Variants in RASGRF1 observed in about 807,000 individuals in gnomAD.
RASGRF1 encodes the protein ras-specific guanine nucleotide-releasing factor 1.
In RASGRF1, 40 loss-of-function variants were observed where a neutral mutation model predicts 138.7. That is an observed-to-expected ratio of 0.29 (90% CI 0.22 to 0.38). RASGRF1 has a LOEUF of 0.38. Ranked by LOEUF, RASGRF1 falls within the 10% of genes least tolerant of loss-of-function variation. The probability of loss-of-function intolerance (pLI) is 1.00; values close to 1 mark genes in which losing one functional copy is unlikely to be tolerated. For missense variants in RASGRF1, 1,108 were observed against 1,650.4 expected (o/e 0.67, Z 5.69); for synonymous variants, 614 against 663.2 (o/e 0.93, Z 1.14).
intron 26 of RASGRF1, among the ~76,000 whole-genome samples, chr15:78,969,080 T>C (rs1347311590): frequency 6.6e-6 from 1 of 152,214 alleles, no homozygotes; most frequent in Non-Finnish European, 1.5e-5. Context: ...GAAACAGTCT[T>C]GGCCTCTATT....
chr15:79,027,959 G>T lies in RASGRF1; in HGVS notation c.1263-100C>A, dbSNP rs2057084067. On this transcript the variant is annotated intron_variant, in intron 8 of 26. Transcript: ENST00000558480. The surrounding 1 kb of genome is among the most constrained non-coding windows in gnomAD (Gnocchi z 4.8). ...TGGCCAGACCTAGGAAGAAAGCCTG[G>T]CACAAGGATTCTCAGGTGGAGTCTG... 1 of 1,202,156 alleles carries T rather than the reference G, an allele frequency of 8.3e-7. No homozygotes were observed. 74.5% of individuals were successfully genotyped at this position (1,202,156 alleles called of 1,614,324 possible).
intron 3 of RASGRF1, 108 bp from the exon 4 acceptor site, chr15:79,049,696 T>G (rs2057404502): frequency 4.8e-6 from 4 of 840,362 alleles, no homozygotes; most frequent in Non-Finnish European, 5.5e-6. Context: ...GCCCTGCCTC[T>G]TCTTCCCCAA....
At chr15:78,985,313 T>G (rs939749278) in intron 22 of RASGRF1, 109 bp from the exon 23 acceptor site, 3 of 1,185,490 alleles carry the variant, frequency 2.5e-6, no homozygotes, top group Non-Finnish European at 3.5e-6. Context: ...CAAGAAGGAA[T>G]TGGAAAACTA....
chr15:79,009,873 C>G (rs1400055105), intron 13 of RASGRF1, among the ~76,000 whole-genome samples: 2 of 151,616 alleles, frequency 1.3e-5, no homozygotes, highest in Non-Finnish European at 2.9e-5. Context: ...TACAGGTGCC[C>G]ACCACCACAC....
At chr15:79,022,653 TAATA>T (rs1174847389) in intron 10 of RASGRF1, among the ~76,000 whole-genome samples, 13 of 152,180 alleles carry the variant, frequency 8.5e-5, no homozygotes, top group Non-Finnish European at 1.5e-4. Flanking sequence ...ACTCCAGAGC[TAATA>T]AATAATGAAA....
chr15:78,996,451 G>T (rs1197445436), intron 19 of RASGRF1, among the ~76,000 whole-genome samples: 1 of 152,196 alleles, frequency 6.6e-6, no homozygotes, highest in African/African-American at 2.4e-5. Context: ...TGCCGGGGCT[G>T]CGGGGAGTGG....
chr15:79,082,128 G>A (rs534452036), intron 1 of RASGRF1, among the ~76,000 whole-genome samples: 1 of 152,338 alleles, frequency 6.6e-6, no homozygotes, highest in East Asian at 1.9e-4. Flanking sequence ...GATTTTTCTG[G>A]CTGCAGAGAG....
intron 20 of RASGRF1, among the ~76,000 whole-genome samples, chr15:78,995,217 C>T (rs2056365292): frequency 2.0e-5 from 3 of 152,016 alleles, no homozygotes; most frequent in African/African-American, 7.2e-5. Flanking sequence ...GTGTGAGCCA[C>T]CACGCCTGGC....
chr15:78,963,848 C>A (rs1341272277), intron 26 of RASGRF1, among the ~76,000 whole-genome samples: 1 of 152,096 alleles, frequency 6.6e-6, no homozygotes, highest in Non-Finnish European at 1.5e-5. Flanking sequence ...AAAGACATGG[C>A]GATTTTATGA....
At chr15:78,999,032 C>T (rs1265590468) in intron 17 of RASGRF1, among the ~76,000 whole-genome samples, 1 of 152,222 alleles carries the variant, frequency 6.6e-6, no homozygotes, top group South Asian at 2.1e-4. Context: ...CATGCATGCC[C>T]AGCCTCTTCC....
chr15:79,066,155 A>G (rs2057678109), intron 1 of RASGRF1, among the ~76,000 whole-genome samples: 1 of 152,038 alleles, frequency 6.6e-6, no homozygotes, highest in African/African-American at 2.4e-5. Context: ...CCATCTCTCG[A>G]GAGATGATGA....
intron 11 of RASGRF1, 124 bp from the exon 12 acceptor site, chr15:79,018,030 T>C: frequency 1.7e-6 from 2 of 1,156,202 alleles, no homozygotes; most frequent in Non-Finnish European, 2.4e-6. Flanking sequence ...ACCAGGCCAA[T>C]TGCTGCTACT....
At chr15:79,078,507 T>C (rs1255003720) in intron 1 of RASGRF1, among the ~76,000 whole-genome samples, 3 of 152,200 alleles carry the variant, frequency 2.0e-5, no homozygotes, top group African/African-American at 7.2e-5. Flanking sequence ...CAGAGGCTAA[T>C]ACTTCCATTG....
chr15:78,997,485 C>A (rs1409848200), intron 19 of RASGRF1, among the ~76,000 whole-genome samples: 2 of 152,130 alleles, frequency 1.3e-5, no homozygotes, highest in African/African-American at 2.4e-5. Context: ...GTAATCCCAG[C>A]ACTTTGGGAG....
At chr15:79,017,418 C>A (rs970019361) in intron 12 of RASGRF1, among the ~76,000 whole-genome samples, 1 of 152,094 alleles carries the variant, frequency 6.6e-6, no homozygotes, top group East Asian at 1.9e-4. Flanking sequence ...TACTAAAATG[C>A]GGATTTACAG....
At chr15:78,997,544 C>T (rs1051900014) in intron 19 of RASGRF1, among the ~76,000 whole-genome samples, 11 of 152,096 alleles carry the variant, frequency 7.2e-5, no homozygotes, top group African/African-American at 2.7e-4. Flanking sequence ...ACCAGCCTGG[C>T]CAACATGGTG....
At position 78,998,122 on chromosome 15, in the gene RASGRF1, C is replaced by G; in HGVS notation, c.2940G>C (p.Glu980Asp). 2 of 1,614,206 alleles carry G rather than the reference C, an allele frequency of 1.2e-6. No individual in the cohort carries two copies. Among genetic ancestry groups the G allele is most frequent in the Non-Finnish European group, 1.7e-6 (2 of 1,180,004 alleles). Residue 980 changes from glutamate (E) to aspartate (D), a missense_variant, in exon 19 of 27, where the codon GAG becomes GAC. Transcript: ENST00000558480. ...VMHDPELLTQ[E>D]RKAAANIIRT... ...TGATGATGTTGGCTGCAGCCTTCCGCTCCTGGGTCAGGAGCTCCGGGTCGT... is the reference window on the plus strand; with the variant it reads ...TGATGATGTTGGCTGCAGCCTTCCGGTCCTGGGTCAGGAGCTCCGGGTCGT...
chr15:79,087,256 ACAGT>A (rs2141114146), intron 1 of RASGRF1, among the ~76,000 whole-genome samples: 1 of 152,334 alleles, frequency 6.6e-6, no homozygotes, highest in Non-Finnish European at 1.5e-5. Context: ...ACAGCCTGTG[ACAGT>A]CAGCTTCTAG....
At chr15:78,968,250 A>ATGTGTGGGTGTG (rs1555449271) in intron 26 of RASGRF1, among the ~76,000 whole-genome samples, 8 of 134,226 alleles carry the variant, frequency 6.0e-5, no homozygotes, top group African/African-American at 8.0e-5. Context: ...CATGACACTG[A>ATGTGTGGGTGTG]TGTGTGTGTG....
Sources: allele counts gnomAD v4.1 joint callset (sites outside exome capture counted in the v4.1 genomes callset), GRCh38; gene constraint gnomAD v4.1.1; non-coding constraint Gnocchi (gnomAD v3.1); transcripts MANE v1.5; gene names NCBI Gene and HGNC (gene_info 2026-07-23, HGNC 2026-07-21).